The following NUP153 variants were observed in gnomAD, a reference collection of about 807,000 sequenced individuals.
The protein encoded by NUP153 is nuclear pore complex protein Nup153.
Under a neutral mutation model 134.6 loss-of-function variants are expected in NUP153, and 27 were observed. That is an observed-to-expected ratio of 0.20 (90% CI 0.15 to 0.28). The LOEUF is 0.28. NUP153 is among the 10% of genes least tolerant of loss of function. NUP153 has a pLI of 1.00. For missense variants in NUP153, 1,821 were observed against 1,731.3 expected, an observed-to-expected ratio of 1.05 and a Z score of -0.92; for synonymous variants, 640 against 623.5, an observed-to-expected ratio of 1.03 and a Z score of -0.40.
chr6:17,663,949 A>C (rs756960347), intron 9 of NUP153, among the ~76,000 whole-genome samples: 83 of 152,036 alleles, frequency 5.5e-4, no homozygotes, highest in South Asian at 1.9e-3. Context: ...CAAACACACA[A>C]AAAAACACTT....
At chr6:17,660,990 TACA>T (rs1391277050) in intron 11 of NUP153, among the ~76,000 whole-genome samples, 1 of 151,958 alleles carries the variant, frequency 6.6e-6, no homozygotes, top group African/African-American at 2.4e-5. Flanking sequence ...CCTTTCACAA[TACA>T]ACATCAAAAA....
In NUP153 at chr6:17,706,383, G is replaced by T; in HGVS notation, c.5C>A (p.Ala2Asp). The T allele has an allele frequency of 6.2e-7, 1 of 1,611,116 alleles. No individual in the cohort carries two copies. The highest frequency in any genetic ancestry group is 8.5e-7 in the Non-Finnish European group (1 of 1,179,096). M[A>D]SGAGGVGGGG... ...CCCTCCGACTCCTCCGGCTCCCGAG[G>T]CCATGGCGGAGCCTCCGCCGCTTCC... The change falls in exon 1 of 22, where the codon GCC becomes GAC. Residue 2 changes from alanine (A) to aspartate (D), a missense_variant. Coordinates refer to ENST00000262077, the MANE Select transcript of NUP153 (RefSeq NM_005124.4). This position sits in a 1 kb window ranked among gnomAD's most constrained non-coding sequence, Gnocchi z 5.9.
Position 17,629,191 on chromosome 6 carries a change from G to C in NUP153, c.3008C>G (p.Ser1003Cys). 6.2e-7 allele frequency: 1 copy of C among 1,613,296 alleles called. No individual in the cohort carries two copies. Among genetic ancestry groups the C allele is most frequent in the Non-Finnish European group, 8.5e-7 (1 of 1,179,864 alleles). ...VSLTPFQFGV[S>C]NLGQEEKKEE... ...TTTCTTTTCTTCCTGTCCAAGATTA[G>C]ATACCCCAAATTGAAATGGAGTTAA... The change falls in exon 18 of 22, where the codon TCT becomes TGT. Residue 1003 changes from serine to cysteine, a missense_variant. Coordinates refer to ENST00000262077, the MANE Select transcript of NUP153 (RefSeq NM_005124.4).
chr6:17,667,609 G>A (rs995328382), intron 8 of NUP153, among the ~76,000 whole-genome samples: 2 of 152,150 alleles, frequency 1.3e-5, no homozygotes, highest in African/African-American at 2.4e-5. Flanking sequence ...AGCTACCTGC[G>A]AGGCTGAGGC....
intron 8 of NUP153, among the ~76,000 whole-genome samples, chr6:17,665,954 G>A (rs1413879878): frequency 6.6e-6 from 1 of 150,774 alleles, no homozygotes; most frequent in Non-Finnish European, 1.5e-5. Context: ...CTCCCAAAGT[G>A]CTGAGATTAC....
At chr6:17,631,737 C>T (rs1765265174) in intron 17 of NUP153, among the ~76,000 whole-genome samples, 1 of 151,946 alleles carries the variant, frequency 6.6e-6, no homozygotes, top group East Asian at 1.9e-4. Context: ...GAGGCCGAGG[C>T]GGGTGGATCA....
intron 14 of NUP153, among the ~76,000 whole-genome samples, chr6:17,641,429 G>A (rs766054196): frequency 1.7e-4 from 26 of 152,170 alleles, no homozygotes; most frequent in Non-Finnish European, 3.7e-4. Flanking sequence ...CAGCTACTCA[G>A]GAGGCTGAGG....
intron 1 of NUP153, among the ~76,000 whole-genome samples, chr6:17,703,581 T>C (rs1257403315): frequency 6.6e-6 from 1 of 151,064 alleles, no homozygotes; most frequent in African/African-American, 2.4e-5. Flanking sequence ...CCTAGGATAA[T>C]AAACAGCAAG....
At chr6:17,623,965 T>C (rs1007771716) in intron 20 of NUP153, among the ~76,000 whole-genome samples, 1 of 152,338 alleles carries the variant, frequency 6.6e-6, no homozygotes, top group African/African-American at 2.4e-5. Flanking sequence ...CAGGTGGTTG[T>C]TATACAGCAT....
chr6:17,694,565 A>G (rs937001498), intron 1 of NUP153, among the ~76,000 whole-genome samples: 2 of 151,624 alleles, frequency 1.3e-5, no homozygotes, highest in African/African-American at 4.8e-5. Flanking sequence ...GCTGAGGGGG[A>G]AGAATCGCTT....
At position 17,616,707 on chromosome 6, in the gene NUP153, A is replaced by G; in HGVS notation, c.4175-12T>C. 6.2e-7 allele frequency: 1 copy of G among 1,605,180 alleles called. No individual in the cohort carries two copies. The highest frequency in any genetic ancestry group is 1.3e-5 in the African/African-American group (1 of 74,738). ...CTGGAAAGCCGAACCTGCAATAGTTAAAGCAGAAATACTTCATTAGGGCAA... is the reference window on the plus strand; with the variant it reads ...CTGGAAAGCCGAACCTGCAATAGTTGAAGCAGAAATACTTCATTAGGGCAA... On this transcript the variant is annotated splice_polypyrimidine_tract_variant and intron_variant, in intron 20 of 21. Transcript: ENST00000262077.
In NUP153 at chr6:17,701,846, A is replaced by AGGGGGG. The variant is rs1561916995; in HGVS notation, c.111+4430_111+4431insCCCCCC. ...AGACTCTGTCTCGGGGGGGGGGGGA[A>AGGGGGG]AAAAGCTAAATGCAGGAACTGACTT... On this transcript the variant is annotated intron_variant, in intron 1 of 21. Transcript: ENST00000262077. Among the ~76,000 whole-genome samples, 33 of 65,646 alleles carry AGGGGGG rather than the reference A, an allele frequency of 5.0e-4. 1 individual carries two copies. The highest frequency in any genetic ancestry group is 2.3e-3 in the East Asian group (8 of 3,536). The allele number at this position is 65,646 out of a possible 152,430, so 43.1% of individuals were successfully genotyped here.
rs555871663 is a variant in NUP153 at position 17,620,738 on chromosome 6, T to C, written c.4174+3823A>G. 5.3e-5 allele frequency among the ~76,000 whole-genome samples: 8 copies of C among 152,248 alleles called. No homozygotes were observed. In the South Asian group the frequency reaches 6.2e-4, roughly 12 times the overall value. Reference sequence around the variant, plus strand: ...TTGTTAGTGTTAATGTATCTTGTGTTTGGCCGAAGACAATAATTCTTCCAA... The same window carrying C: ...TTGTTAGTGTTAATGTATCTTGTGTCTGGCCGAAGACAATAATTCTTCCAA... On this transcript the variant is annotated intron_variant, in intron 20 of 21. Transcript: ENST00000262077.
At chr6:17,627,365 T>A (rs929295897) in intron 18 of NUP153, among the ~76,000 whole-genome samples, 1 of 152,250 alleles carries the variant, frequency 6.6e-6, no homozygotes, top group Non-Finnish European at 1.5e-5. Context: ...TTTGTTGAAT[T>A]CCATACTTTT....
At chr6:17,688,745 C>T (rs1192788183) in intron 1 of NUP153, 127 bp from the exon 2 acceptor site, 2 of 648,276 alleles carry the variant, frequency 3.1e-6, no homozygotes, top group Non-Finnish European at 5.3e-6. Context: ...AATTCAGTTA[C>T]TACAGTTACT....
chr6:17,693,545 T>G (rs1769420040), intron 1 of NUP153, among the ~76,000 whole-genome samples: 1 of 152,202 alleles, frequency 6.6e-6, no homozygotes, highest in Admixed American at 6.5e-5. Context: ...TATCTTGTAT[T>G]TATTCCATTA....
chr6:17,630,422 G>A (rs949290568), intron 17 of NUP153, among the ~76,000 whole-genome samples: 2 of 152,162 alleles, frequency 1.3e-5, no homozygotes, highest in African/African-American at 4.8e-5. Flanking sequence ...CACTTTGGGA[G>A]GCCAAGGCGG....
rs190505778 is a variant in NUP153, at chr6:17,642,099, C to T, written c.1721-2035G>A. ...ACAAAAATTCAAAATGGATCAATAT[C>T]CTAAATATGACATAAACACCATAAA... On this transcript the variant is annotated intron_variant, in intron 14 of 21. Coordinates refer to ENST00000262077, the MANE Select transcript of NUP153 (RefSeq NM_005124.4). Among the ~76,000 whole-genome samples, 3 of 152,202 alleles carry T rather than the reference C, an allele frequency of 2.0e-5. No homozygotes were observed. In the East Asian group the frequency reaches 5.8e-4, roughly 29 times the overall value.
intron 2 of NUP153, among the ~76,000 whole-genome samples, chr6:17,683,821 T>C (rs142545731): frequency 3.0e-4 from 45 of 152,298 alleles, no homozygotes; most frequent in Admixed American, 5.9e-4. Flanking sequence ...GCGGGCCATG[T>C]TTCATCTGAA....
Sources: allele counts gnomAD v4.1 joint callset (sites outside exome capture counted in the v4.1 genomes callset), GRCh38; gene constraint gnomAD v4.1.1; non-coding constraint Gnocchi (gnomAD v3.1); transcripts MANE v1.5; gene names NCBI Gene and HGNC (gene_info 2026-07-23, HGNC 2026-07-21).